The following SLCO4C1 variants were observed in gnomAD, a reference collection of about 807,000 sequenced individuals.
SLCO4C1 encodes solute carrier organic anion transporter family member 4C1, also known as organic anion transporter M1.
In SLCO4C1, 58 loss-of-function variants were observed where a neutral mutation model predicts 72.1. The ratio of observed to expected loss-of-function variants is 0.80; its 90% CI spans 0.65 to 1.00. SLCO4C1 has a LOEUF of 1.00. Among genes scored for constraint, SLCO4C1 ranks in the 50% least tolerant of loss-of-function variants. The pLI is 0.00. For missense variants in SLCO4C1, 898 were observed against 857.9 expected (o/e 1.05, Z -0.58); for synonymous variants, 297 against 312.5 (o/e 0.95, Z 0.52).
intron 1 of SLCO4C1, among the ~76,000 whole-genome samples, 174 bp downstream of exon 1, chr5:102,295,734 G>GGGGCC: frequency 6.6e-6 from 1 of 152,340 alleles, no homozygotes; most frequent in Non-Finnish European, 1.5e-5. Context: ...AGGCTGGCTG[G>GGGGCC]GGGCCGGTAG....
chr5:102,264,309 A>C (rs553279865), intron 3 of SLCO4C1, among the ~76,000 whole-genome samples: 1 of 152,200 alleles, frequency 6.6e-6, no homozygotes, highest in South Asian at 2.1e-4. Context: ...GTAGAATTAA[A>C]TTGAGCTTAT....
At position 102,236,922 on chromosome 5, in the gene SLCO4C1, T is replaced by C. The variant is rs757266507; in HGVS notation, c.2111A>G (p.Glu704Gly). 1 of 1,613,124 alleles carries C rather than the reference T, an allele frequency of 6.2e-7. No homozygotes were observed. The highest frequency in any genetic ancestry group is 2.2e-5 in the East Asian group (1 of 44,766). ...PSATDVSFHKENAVVTNVLAE... is the reference protein window; with the variant it reads ...PSATDVSFHKGNAVVTNVLAE... Reference sequence around the variant, plus strand: ...TAAAACATTAGTCACAACTGCATTCTCTTTATGAAATGACACATCTGTGGC... The same window carrying C: ...TAAAACATTAGTCACAACTGCATTCCCTTTATGAAATGACACATCTGTGGC... Residue 704 changes from glutamate (E) to glycine (G), a missense_variant, in exon 13 of 13, where the codon GAG (glutamate) becomes GGG (glycine). By Grantham distance (98) the Glu-to-Gly change is moderately conservative (BLOSUM62 -2). Transcript: ENST00000310954.
chr5:102,271,445 C>T (rs947902542), intron 2 of SLCO4C1, among the ~76,000 whole-genome samples: 4 of 151,374 alleles, frequency 2.6e-5, no homozygotes, highest in Admixed American at 6.6e-5. Flanking sequence ...ATCTATAGGA[C>T]AGGTTACAAA....
intron 2 of SLCO4C1, among the ~76,000 whole-genome samples, chr5:102,281,169 A>AG (rs1256502925): frequency 6.6e-6 from 1 of 152,172 alleles, no homozygotes; most frequent in Non-Finnish European, 1.5e-5. Flanking sequence ...TGCCCAACTG[A>AG]TTTTTGAAAA....
At chr5:102,287,963 C>A (rs1292342681) in intron 2 of SLCO4C1, among the ~76,000 whole-genome samples, 5 of 152,180 alleles carry the variant, frequency 3.3e-5, no homozygotes, top group Non-Finnish European at 5.9e-5. Context: ...TAAACACCTA[C>A]ACATACCACA....
intron 10 of SLCO4C1, among the ~76,000 whole-genome samples, chr5:102,243,446 G>A (rs1473853289): frequency 6.6e-6 from 1 of 152,194 alleles, no homozygotes; most frequent in Non-Finnish European, 1.5e-5. Flanking sequence ...CAGTGGTGGT[G>A]GCCACAGAGG....
intron 3 of SLCO4C1, among the ~76,000 whole-genome samples, chr5:102,269,302 T>C (rs191880614): frequency 2.0e-5 from 3 of 152,258 alleles, no homozygotes; most frequent in East Asian, 3.9e-4. Context: ...TTCCTAAAAT[T>C]CAAATATTTG....
At chr5:102,285,274 T>C (rs13172602) in intron 2 of SLCO4C1, among the ~76,000 whole-genome samples, 28 of 151,238 alleles carry the variant, frequency 1.9e-4, no homozygotes, top group Non-Finnish European at 3.1e-4. Context: ...CACACACACA[T>C]ATATATTTTT....
intron 10 of SLCO4C1, among the ~76,000 whole-genome samples, chr5:102,242,885 G>A (rs1748571438): frequency 6.6e-6 from 1 of 152,112 alleles, no homozygotes; most frequent in African/African-American, 2.4e-5. Flanking sequence ...GGGGGGTAGA[G>A]CACCAAGCAG....
chr5:102,275,191 T>C (rs773429278), intron 2 of SLCO4C1, among the ~76,000 whole-genome samples: 4 of 151,054 alleles, frequency 2.6e-5, no homozygotes, highest in Non-Finnish European at 4.4e-5. Context: ...CAGAAAAAAG[T>C]AAAAGGAAAA....
chr5:102,295,976 T>A lies in SLCO4C1; in HGVS notation c.287A>T (p.Gln96Leu). 2 of 1,614,234 alleles carry A rather than the reference T, an allele frequency of 1.2e-6. No individual in the cohort carries two copies. The highest frequency in any genetic ancestry group is 3.3e-4 in the Middle Eastern group (2 of 6,062). ...AGGTGTGTTGCAGCGCTGGAGACAT[T>A]GAGGATGGAAGTTCCTCCAGCCGTA... is the stretch of plus-strand genomic sequence containing the variant. The part of the protein sequence containing the change: ...GSYGWRNFHP[Q>L]CLQRCNTPGG... The change falls in exon 1 of 13, where the codon CAA becomes CTA. Residue 96 changes from glutamine to leucine, a missense_variant. Gln to Leu is a moderately radical substitution (Grantham distance 113, BLOSUM62 -2). Transcript: ENST00000310954.
In SLCO4C1 at chr5:102,257,202, G is replaced by A. The variant is rs758592513; in HGVS notation, c.1382C>T (p.Ser461Phe). ...AAAACTCAGCGTAAGTGCAACTCCA[G>A]ATGTGAACAGTGCAAACTTCATTGT... ...KNTMKFALFT[S>F]GVALTLSFVF... Residue 461 changes from serine (S) to phenylalanine (F), a missense_variant, in exon 8 of 13, where the codon TCT becomes TTT. Ser to Phe is a radical substitution (Grantham distance 155, BLOSUM62 -2). Coordinates refer to ENST00000310954, the MANE Select transcript of SLCO4C1 (RefSeq NM_180991.5). 1 of 1,610,766 alleles carries A rather than the reference G, an allele frequency of 6.2e-7. No individual in the cohort carries two copies. The highest frequency in any genetic ancestry group is 1.1e-5 in the South Asian group (1 of 90,360).
chr5:102,253,953 TTA>T (rs3037929), intron 8 of SLCO4C1, among the ~76,000 whole-genome samples: 102,012 of 150,940 alleles, frequency 0.68, 34,617 homozygotes, highest in African/African-American at 0.73. Context: ...TTGAAATTAT[TTA>T]TATATATATA....
intron 2 of SLCO4C1, among the ~76,000 whole-genome samples, chr5:102,281,486 G>A (rs921295291): frequency 1.3e-5 from 2 of 152,034 alleles, no homozygotes; most frequent in African/African-American, 4.8e-5. Flanking sequence ...GAAAGACCCT[G>A]TTAAGAGGAT....
rs573492124 is a variant in SLCO4C1, at chr5:102,262,932, C to T, written c.899+752G>A. Among the ~76,000 whole-genome samples, 18 of 152,090 alleles carry T rather than the reference C, an allele frequency of 1.2e-4. No homozygotes were observed. In the South Asian group the frequency reaches 3.7e-3, roughly 32 times the overall value. ...CATTTTTATATTCACTGCTCATGGTCATGTAGAGGATTGTGCAGTTATTAT... is the reference window on the plus strand; with the variant it reads ...CATTTTTATATTCACTGCTCATGGTTATGTAGAGGATTGTGCAGTTATTAT... On this transcript the variant is annotated intron_variant, in intron 4 of 12. Transcript: ENST00000310954.
intron 3 of SLCO4C1, among the ~76,000 whole-genome samples, chr5:102,265,894 T>C (rs1173250347): frequency 6.6e-6 from 1 of 152,148 alleles, no homozygotes; most frequent in Non-Finnish European, 1.5e-5. Context: ...GTACATTGCT[T>C]TGGGTAGTAT....
chr5:102,271,728 T>G (rs543823072), intron 2 of SLCO4C1, among the ~76,000 whole-genome samples: 29 of 152,112 alleles, frequency 1.9e-4, no homozygotes, highest in Non-Finnish European at 3.1e-4. Flanking sequence ...TAGTTCAATT[T>G]TCCTAGGTTC....
At chr5:102,265,051 C>G (rs2112366935) in intron 3 of SLCO4C1, among the ~76,000 whole-genome samples, 1 of 152,004 alleles carries the variant, frequency 6.6e-6, no homozygotes, top group South Asian at 2.1e-4. Context: ...TTGATTCCAT[C>G]TCTTAGCTAT....
Position 102,296,148 on chromosome 5 carries a change from G to T in SLCO4C1, c.115C>A (p.Pro39Thr), listed in dbSNP as rs750706132. 24 of 1,613,936 alleles carry T rather than the reference G, an allele frequency of 1.5e-5. No homozygotes were observed. The highest frequency in any genetic ancestry group is 2.0e-5 in the Non-Finnish European group (24 of 1,179,952). ...QIEVSALSSD[P>T]QRENSQPQEL... ...TGTGGCTGAGAATTCTCTCTTTGGG[G>T]GTCAGAGGACAAGGCAGAGACTTCG... The change falls in exon 1 of 13, where the codon CCC (proline) becomes ACC (threonine). Residue 39 changes from proline (P) to threonine (T), a missense_variant. Physicochemically the swap from Pro to Thr is conservative, Grantham distance 38. Transcript: ENST00000310954.
Sources: allele counts gnomAD v4.1 joint callset (sites outside exome capture counted in the v4.1 genomes callset), GRCh38; gene constraint gnomAD v4.1.1; transcripts MANE v1.5; gene names NCBI Gene and HGNC (gene_info 2026-07-23, HGNC 2026-07-21).